Variants in ZNF726 observed in about 807,000 individuals in gnomAD.
ZNF726 encodes zinc finger protein 92 pseudogene 3.
In ZNF726, 15 loss-of-function variants were observed where a neutral mutation model predicts 11.6. That is an observed-to-expected ratio of 1.29 (90% CI 0.86 to 1.99). The LOEUF is 1.99. Ranked by LOEUF, ZNF726 falls within the 30% of genes most tolerant of loss-of-function variation. The probability of loss-of-function intolerance (pLI) is 0.00; values close to 1 mark genes in which losing one functional copy is unlikely to be tolerated. For synonymous variants in ZNF726, 295 were observed against 243.6 expected, an observed-to-expected ratio of 1.21 and a Z score of -1.96; for missense variants, 890 against 725.6, an observed-to-expected ratio of 1.23 and a Z score of -2.60.
intron 3 of ZNF726, chr19:23,921,557 A>AT (rs1300360436): frequency 1.3e-5 from 2 of 151,984 alleles, no homozygotes; most frequent in East Asian, 3.9e-4. Context: ...GTCCTCTCTA[A>AT]TTTTTTTATT....
In ZNF726 at chr19:23,929,684, A is replaced by G. The variant is rs188599975; in HGVS notation, c.227-2659A>G. ...AAACATCTTAAAATTAAAACAATAT[A>G]TTTATATCTCATGACAACTTCAATT... On this transcript the variant is annotated intron_variant, in intron 3 of 3. Transcript: ENST00000594466. Among the ~76,000 whole-genome samples the G allele has an allele frequency of 1.2e-4, 18 of 152,316 alleles. No individual in the cohort carries two copies. The East Asian group carries it at 3.1e-3, about 26-fold the overall frequency.
At chr19:23,934,575 AG>A, downstream of ZNF726, 1 of 352,194 alleles carries the variant, frequency 2.8e-6, no homozygotes, top group South Asian at 2.3e-5. Flanking sequence ...AGAATCAAGA[AG>A]GGTGTACAGT....
chr19:23,923,292 A>T, intron 3 of ZNF726: 2 of 325,184 alleles, frequency 6.2e-6, no homozygotes, highest in South Asian at 4.7e-5. Context: ...AAAACATAAA[A>T]ATTGGCATGA....
rs1968187747 is a variant in ZNF726 at position 23,934,221 on chromosome 19, T to C, written c.*254T>C. 2.7e-6 allele frequency: 2 copies of C among 732,838 alleles called. No homozygotes were observed. Among genetic ancestry groups the C allele is most frequent in the Non-Finnish European group, 4.9e-6 (2 of 405,344 alleles). The allele number at this position is 732,838 out of a possible 1,614,324, so 45.4% of individuals were successfully genotyped here. A position where few individuals can be genotyped will look rare whatever the true frequency, so the allele number is the denominator to read the frequency against. ...GATAATTCATACTGGAAATAAACCC[T>C]ACAAATGTGAAAAATGTGGCAAAGC... is the stretch of plus-strand genomic sequence containing the variant. On this transcript the variant is annotated 3_prime_UTR_variant, in exon 4 of 4. Coordinates refer to ENST00000594466, the MANE Select transcript of ZNF726 (RefSeq NM_001244038.2).
chr19:23,934,131 G>A lies in ZNF726; in HGVS notation c.*164G>A. On this transcript the variant is annotated 3_prime_UTR_variant, in exon 4 of 4. Coordinates refer to ENST00000594466, the MANE Select transcript of ZNF726 (RefSeq NM_001244038.2). The stretch of plus-strand genomic sequence containing the variant: ...AACATTAGATAATTCACACTGGAGA[G>A]AAACCTTACAAGTGTGAAGAATGTG... 1.0e-6 allele frequency: 1 copy of A among 995,138 alleles called. No homozygotes were observed. The highest frequency in any genetic ancestry group is 1.6e-6 in the Non-Finnish European group (1 of 631,636). The allele number at this position is 995,138 out of a possible 1,614,324, so 61.6% of individuals were successfully genotyped here. A position where few individuals can be genotyped will look rare whatever the true frequency, so the allele number is the denominator to read the frequency against.
chr19:23,940,760 G>A (rs1968326054), intron 3 of ZNF726, among the ~76,000 whole-genome samples: 1 of 152,122 alleles, frequency 6.6e-6, no homozygotes, highest in Non-Finnish European at 1.5e-5. Flanking sequence ...TATTGTAAAA[G>A]GGGTTGAGTT....
At chr19:23,915,260 C>T (rs1281092640) in intron 1 of ZNF726, among the ~76,000 whole-genome samples, 1 of 152,106 alleles carries the variant, frequency 6.6e-6, no homozygotes, top group Non-Finnish European at 1.5e-5. Flanking sequence ...CCAGTAGCCC[C>T]GCGTCTCTCC....
At chr19:23,922,479 A>G (rs547976555) in intron 3 of ZNF726, among the ~76,000 whole-genome samples, 4 of 152,320 alleles carry the variant, frequency 2.6e-5, no homozygotes, top group South Asian at 4.1e-4. Context: ...GAAGGGCAGG[A>G]CCCACGCTGC....
chr19:23,922,779 C>T (rs1967884054), intron 3 of ZNF726, among the ~76,000 whole-genome samples: 1 of 152,100 alleles, frequency 6.6e-6, no homozygotes, highest in African/African-American at 2.4e-5. Context: ...AATATTTTGA[C>T]CTCAAGCAGT....
intron 3 of ZNF726, among the ~76,000 whole-genome samples, chr19:23,943,076 A>G (rs763041973): frequency 6.6e-6 from 1 of 152,046 alleles, no homozygotes; most frequent in Non-Finnish European, 1.5e-5. Flanking sequence ...GGTGGAGTGC[A>G]GTGGCTTGAT....
At chr19:23,927,312 A>C (rs577350070) in intron 3 of ZNF726, among the ~76,000 whole-genome samples, 9 of 152,324 alleles carry the variant, frequency 5.9e-5, no homozygotes, top group African/African-American at 2.2e-4. Context: ...TTGTATTGAC[A>C]TTTTGAAAAA....
chr19:23,931,477 AAAT>A, intron 3 of ZNF726, among the ~76,000 whole-genome samples: 1 of 104,010 alleles, frequency 9.6e-6, no homozygotes, highest in Non-Finnish European at 2.1e-5. Flanking sequence ...CCAATTCTTA[AAAT>A]TAATGTATAA....
At chr19:23,922,405 G>GTTTC (rs1967874796) in intron 3 of ZNF726, among the ~76,000 whole-genome samples, 1 of 152,210 alleles carries the variant, frequency 6.6e-6, no homozygotes, top group Non-Finnish European at 1.5e-5. Flanking sequence ...AGGGACCACA[G>GTTTC]GAAAGGCCAA....
rs769528538 is a variant in ZNF726 at position 23,933,606 on chromosome 19, C to T, written c.1490C>T (p.Thr497Ile). The change falls in exon 4 of 4, where the codon ACT (threonine) becomes ATT (isoleucine). Residue 497 changes from threonine to isoleucine, a missense_variant. Coordinates refer to ENST00000594466, the MANE Select transcript of ZNF726 (RefSeq NM_001244038.2). ...GKAFSQSSTLTAHKIIHTGEK... is the reference protein window; with the variant it reads ...GKAFSQSSTLIAHKIIHTGEK... Reference sequence around the variant, plus strand: ...GCTTTTAGCCAGTCCTCAACCCTTACTGCACATAAGATAATTCATACTGGA... The same window carrying T: ...GCTTTTAGCCAGTCCTCAACCCTTATTGCACATAAGATAATTCATACTGGA... 1.9e-5 allele frequency: 31 copies of T among 1,610,542 alleles called. No individual in the cohort carries two copies. Among genetic ancestry groups the T allele is most frequent in the Non-Finnish European group, 2.6e-5 (31 of 1,178,974 alleles).
At chr19:23,941,029 G>C (rs975591527) in intron 3 of ZNF726, among the ~76,000 whole-genome samples, 1 of 152,158 alleles carries the variant, frequency 6.6e-6, no homozygotes, top group Non-Finnish European at 1.5e-5. Context: ...GAAGTGGAGT[G>C]TTGAGAATGG....
At position 23,943,493 on chromosome 19, in the gene ZNF726, G is replaced by T; in HGVS notation, c.227-1G>T. On this transcript the variant is annotated splice_acceptor_variant, in intron 3 of 4. Coordinates refer to the ZNF726 transcript ENST00000334589. LOFTEE classifies it high-confidence loss of function. ...CATATTACTTTTTTCTAACAAAACA[G>T]GCCTTGCTGTCTCTAACCCTGATCT... is the stretch of plus-strand genomic sequence containing the variant. 1.6e-6 allele frequency: 1 copy of T among 618,558 alleles called. No individual in the cohort carries two copies. The highest frequency in any genetic ancestry group is 3.0e-6 in the Non-Finnish European group (1 of 333,580). 38.3% of individuals were successfully genotyped at this position (618,558 alleles called of 1,614,324 possible). A position where few individuals can be genotyped will look rare whatever the true frequency, so the allele number is the denominator to read the frequency against.
chr19:23,917,272 T>C lies in ZNF726; in HGVS notation c.4-2101T>C, dbSNP rs372504401. Among the ~76,000 whole-genome samples the C allele has an allele frequency of 7.2e-4, 110 of 152,358 alleles. 1 individual carries two copies. In the Middle Eastern group the frequency reaches 0.027, roughly 38 times the overall value. On this transcript the variant is annotated intron_variant, in intron 1 of 3. Coordinates refer to ENST00000594466, the MANE Select transcript of ZNF726 (RefSeq NM_001244038.2). ...AGCTGACCTCAGTTTTTTAACTGTG[T>C]ATTGCATTTTATTAGTAGAGCTTGA... is the stretch of plus-strand genomic sequence containing the variant.
intron 4 of ZNF726, chr19:23,944,347 C>G (rs1176406043): frequency 6.6e-6 from 1 of 152,066 alleles, no homozygotes; most frequent in African/African-American, 2.4e-5. Context: ...TTATAATAAA[C>G]TATTTTTCTT....
Position 23,929,539 on chromosome 19 carries a change from C to A in ZNF726, c.227-2804C>A, listed in dbSNP as rs559383887. On this transcript the variant is annotated intron_variant, in intron 3 of 3. Coordinates refer to ENST00000594466, the MANE Select transcript of ZNF726 (RefSeq NM_001244038.2). ...TATCATGAGACCAGCACAGAAAAGA[C>A]CTGCCCCCATGATTCAATTACCTTC... 2.6e-4 allele frequency among the ~76,000 whole-genome samples: 40 copies of A among 152,244 alleles called. No homozygotes were observed. In the South Asian group the frequency reaches 7.5e-3, roughly 28 times the overall value.
Sources: gnomAD v4.1 joint callset for allele counts (sites outside exome capture counted in the v4.1 genomes callset) on GRCh38, gnomAD v4.1.1 for gene constraint, MANE v1.5 for transcripts, NCBI Gene and HGNC (gene_info 2026-07-23, HGNC 2026-07-21) for gene names.